The following ANKRD26 variants were observed in gnomAD, a reference collection of about 807,000 sequenced individuals.
ANKRD26 encodes the protein ankyrin repeat domain-containing protein 26.
In ANKRD26, 141 loss-of-function variants were observed where a neutral mutation model predicts 208.7. That is an observed-to-expected ratio of 0.68 (90% CI 0.59 to 0.78). ANKRD26 has a LOEUF of 0.78. ANKRD26 is among the 30% of genes least tolerant of loss of function. The pLI, the probability that ANKRD26 is intolerant of heterozygous loss-of-function variation, is 0.00. For synonymous variants in ANKRD26, 636 were observed against 660.4 expected, an observed-to-expected ratio of 0.96 and a Z score of 0.57; for missense variants, 1,889 against 1,938.7, an observed-to-expected ratio of 0.97 and a Z score of 0.48.
In ANKRD26 at chr10:27,067,203, A is replaced by G. The variant is rs1173065977; in HGVS notation, c.1161T>C (p.Asn387=). ...IESAPLEQTN[N]DNLTYVDEVH... is the part of the protein sequence containing the mutation. ...CTTCATCAACATAAGTCAAATTGTC[A>G]TTATTTGTTTGCTCTAGTGGAGCAC... The change falls in exon 10 of 34, where the codon AAT becomes AAC. Residue 387 remains asparagine, a synonymous_variant. Transcript: ENST00000376087. 3.1e-6 allele frequency: 5 copies of G among 1,613,720 alleles called. No individual in the cohort carries two copies. The highest frequency in any genetic ancestry group is 1.1e-5 in the South Asian group (1 of 91,082).
At chr10:27,057,642 CAA>C (rs1265239063) in intron 15 of ANKRD26, among the ~76,000 whole-genome samples, 1 of 152,064 alleles carries the variant, frequency 6.6e-6, no homozygotes, top group Non-Finnish European at 1.5e-5. Context: ...AATTTATAGA[CAA>C]AATGATGGCC....
chr10:26,949,793 G>A, the ANKRD26 span, among the ~76,000 whole-genome samples: 8 of 152,214 alleles, frequency 5.3e-5, no homozygotes, highest in East Asian at 1.9e-4. Context: ...GTGACCCACC[G>A]TGCCCAGCCT....
At chr10:26,960,246 T>C in the ANKRD26 span, among the ~76,000 whole-genome samples, 5 of 152,216 alleles carry the variant, frequency 3.3e-5, no homozygotes, top group Non-Finnish European at 7.3e-5. Flanking sequence ...GAAATGACCC[T>C]GTGCCAGCTC....
chr10:26,981,510 A>G (rs989196527), intron 4 of ANKRD26, among the ~76,000 whole-genome samples: 3 of 152,182 alleles, frequency 2.0e-5, no homozygotes, highest in African/African-American at 7.2e-5. Flanking sequence ...TGGACCACGA[A>G]AAAAAGGCAG....
the ANKRD26 span, among the ~76,000 whole-genome samples, chr10:26,951,013 C>CTTTTCTTTTTTTTTT: frequency 3.1e-4 from 31 of 100,906 alleles, 2 homozygotes; most frequent in East Asian, 5.2e-3. Context: ...CTTTTCTTTT[C>CTTTTCTTTTTTTTTT]TTTTTCTTTT....
chr10:26,975,316 A>G (rs1334540587), exon 6 of ANKRD26, among the ~76,000 whole-genome samples: 1 of 147,974 alleles, frequency 6.8e-6, no homozygotes, highest in East Asian at 2.0e-4. Flanking sequence ...GAAGCCTTGA[A>G]CTCCTGGGCT....
chr10:26,987,039 A>G (rs1402931242), downstream of ANKRD26, among the ~76,000 whole-genome samples: 10 of 152,268 alleles, frequency 6.6e-5, no homozygotes, highest in Non-Finnish European at 2.9e-5. Flanking sequence ...CCAAATGTCC[A>G]ACAATGATAG....
rs768978009 is a variant in ANKRD26, at chr10:27,046,537, A to G, written c.1815-14T>C. The G allele has an allele frequency of 6.2e-7, 1 of 1,613,278 alleles. No individual in the cohort carries two copies. Among genetic ancestry groups the G allele is most frequent in the South Asian group, 1.1e-5 (1 of 90,990 alleles). On this transcript the variant is annotated splice_polypyrimidine_tract_variant and intron_variant, in intron 17 of 33. Transcript: ENST00000376087. ...GCAGGACCACTACTTTAAAAAATCC[A>G]TGGGAAATGACAGTTACATAAGAAA...
chr10:27,038,041 G>C lies in ANKRD26; in HGVS notation c.2389C>G (p.Gln797Glu), dbSNP rs2054101107. The C allele has an allele frequency of 6.2e-7, 1 of 1,608,990 alleles. No individual in the cohort carries two copies. Among genetic ancestry groups the C allele is most frequent in the Non-Finnish European group, 8.5e-7 (1 of 1,179,258 alleles). ...GCATTTCTTCTCTTCTCTTCTTCTTGGTTTAAGCTAAATCTGCAGTTAAAT... is the reference window on the plus strand; with the variant it reads ...GCATTTCTTCTCTTCTCTTCTTCTTCGTTTAAGCTAAATCTGCAGTTAAAT... ...ELCSLRFSLN[Q>E]EEEKRRNADT... is the part of the protein sequence containing the mutation. Residue 797 changes from glutamine (Q) to glutamate (E), a missense_variant, in exon 22 of 34, where the codon CAA becomes GAA. By Grantham distance (29) the Gln-to-Glu change is conservative. This residue lies in a region of ANKRD26 where 1,272 missense variants were observed against 1,273.8 expected (regional missense o/e 1.00). Transcript: ENST00000376087.
rs879365257 is a variant in ANKRD26 at position 27,062,770 on chromosome 10, C to CT, written c.1363+1217dup. On this transcript the variant is annotated intron_variant, in intron 12 of 33. Coordinates refer to ENST00000376087, the MANE Select transcript of ANKRD26 (RefSeq NM_014915.3). ...CTATGAAGTAACACTTTCTTTCTTT[C>CT]TTTTTTTTTTTTTTTGAGACAGAAT... 8.7e-3 allele frequency among the ~76,000 whole-genome samples: 1,241 copies of CT among 142,420 alleles called. 13 individuals are homozygous for CT. The highest frequency in any genetic ancestry group is 0.021 in the Middle Eastern group (6 of 280). 93.4% of individuals were successfully genotyped at this position (142,420 alleles called of 152,430 possible). A position where few individuals can be genotyped will look rare whatever the true frequency, so the allele number is the denominator to read the frequency against.
chr10:27,033,069 C>T lies in ANKRD26; in HGVS notation c.3807+156G>A, dbSNP rs113200379. Among the ~76,000 whole-genome samples, 3,603 of 145,034 alleles carry T rather than the reference C, an allele frequency of 0.025. 118 individuals carry two copies. The highest frequency in any genetic ancestry group is 0.086 in the African/African-American group (3,391 of 39,364). On this transcript the variant is annotated intron_variant, in intron 25 of 33. Transcript: ENST00000376087. Reference sequence around the variant, plus strand: ...CTGCACTCCAGCCTGGGCAATAGAACGAGACTCCATCTCAAAAAAAAAAAA... The same window carrying T: ...CTGCACTCCAGCCTGGGCAATAGAATGAGACTCCATCTCAAAAAAAAAAAA...
chr10:26,949,673 T>A, the ANKRD26 span, among the ~76,000 whole-genome samples: 1 of 152,022 alleles, frequency 6.6e-6, no homozygotes, highest in African/African-American at 2.4e-5. Context: ...CCTGGCTAAT[T>A]TTTGTATTTT....
chr10:27,044,023 G>C, intron 19 of ANKRD26, 134 bp downstream of exon 19: 1 of 637,464 alleles, frequency 1.6e-6, no homozygotes, highest in Non-Finnish European at 2.4e-6. Context: ...CAAATTCCTG[G>C]AGTCAAGCAA....
chr10:26,972,199 C>T (rs1160641698), downstream of ANKRD26, among the ~76,000 whole-genome samples: 3 of 148,340 alleles, frequency 2.0e-5, no homozygotes, highest in South Asian at 2.1e-4. Flanking sequence ...CGTGCCACTG[C>T]ACTCCAGCCT....
Position 27,034,894 on chromosome 10 carries a change from T to C in ANKRD26, c.3556A>G (p.Ser1186Gly). Residue 1186 changes from serine (S) to glycine (G), a missense_variant, in exon 24 of 34, where the codon AGT (serine) becomes GGT (glycine). Around this residue, in one of 3 missense-constraint regions of ANKRD26, gnomAD observed 613 missense variants for 648.2 expected, o/e 0.95. Coordinates refer to ENST00000376087, the MANE Select transcript of ANKRD26 (RefSeq NM_014915.3). ...QKLQAESEKQ[S>G]LLLEERNKEL... The stretch of plus-strand genomic sequence containing the variant: ...TTATTTCTTTCTTCTAGCAGAAGAC[T>C]TTGCTTTTCACTCTCAGCTTGAAGT... The C allele has an allele frequency of 1.9e-6, 3 of 1,613,844 alleles. No individual in the cohort carries two copies. The highest frequency in any genetic ancestry group is 2.5e-6 in the Non-Finnish European group (3 of 1,179,868).
chr10:27,025,063 C>T (rs2053615749), intron 27 of ANKRD26, among the ~76,000 whole-genome samples: 1 of 152,162 alleles, frequency 6.6e-6, no homozygotes, highest in Non-Finnish European at 1.5e-5. Context: ...TTAACCATTT[C>T]TCTTTAAATA....
chr10:27,081,840 C>T (rs2135617701), intron 6 of ANKRD26, among the ~76,000 whole-genome samples: 1 of 151,894 alleles, frequency 6.6e-6, no homozygotes, highest in Middle Eastern at 3.4e-3. Flanking sequence ...CGGGTTCAAG[C>T]CATTCTCCTT....
intron 3 of ANKRD26, among the ~76,000 whole-genome samples, chr10:26,985,507 T>G (rs569394877): frequency 6.6e-6 from 1 of 152,192 alleles, no homozygotes; most frequent in Non-Finnish European, 1.5e-5. Context: ...TTCTTCAACA[T>G]GTTTTTAAGT....
At position 27,066,474 on chromosome 10, in the gene ANKRD26, CCA is replaced by C. The variant is rs375101238; in HGVS notation, c.1269+11_1269+12del. On this transcript the variant is annotated intron_variant, in intron 11 of 33. Transcript: ENST00000376087. ...TTATATTTTAAAATAATAGTAACAA[CCA>C]TAGAAAGTACCTCAGAATCCCAAGG... The C allele has an allele frequency of 0.017, 26,673 of 1,565,860 alleles. 1,755 individuals are homozygous for C. In the East Asian group the frequency reaches 0.2, roughly 12 times the overall value.
Sources: allele counts gnomAD v4.1 joint callset (sites outside exome capture counted in the v4.1 genomes callset), GRCh38; gene constraint gnomAD v4.1.1; regional missense constraint gnomAD v4.1.1; transcripts MANE v1.5; gene names NCBI Gene and HGNC (gene_info 2026-07-23, HGNC 2026-07-21).